Variants in PPM1E observed in about 807,000 individuals in gnomAD.
The protein encoded by PPM1E is protein phosphatase, Mg2+/Mn2+ dependent 1E.
Under a neutral mutation model 65.9 loss-of-function variants are expected in PPM1E, and 20 were observed. The observed-to-expected ratio is 0.30, with a 90% CI of 0.21 to 0.44. The LOEUF is 0.44. Ranked by LOEUF, PPM1E falls within the 20% of genes least tolerant of loss-of-function variation. The pLI, the probability that PPM1E is intolerant of heterozygous loss-of-function variation, is 1.00. For synonymous variants in PPM1E, 352 were observed against 374.9 expected, an observed-to-expected ratio of 0.94 and a Z score of 0.70; for missense variants, 713 against 953.1, an observed-to-expected ratio of 0.75 and a Z score of 3.32.
At chr17:58,866,556 G>A (rs181407678) in intron 1 of PPM1E, among the ~76,000 whole-genome samples, 266 of 152,322 alleles carry the variant, frequency 1.7e-3, no homozygotes, top group South Asian at 5.0e-3. Context: ...CTATATGCAG[G>A]AAGAAATGAG....
intron 1 of PPM1E, among the ~76,000 whole-genome samples, chr17:58,775,680 C>T (rs1368334002): frequency 1.3e-5 from 2 of 151,088 alleles, no homozygotes; most frequent in East Asian, 3.9e-4. Flanking sequence ...TTTGGGAGGC[C>T]GAGGCGGGTG....
intron 1 of PPM1E, 125 bp from the exon 2 acceptor site, chr17:58,955,524 A>T (rs2029869596): frequency 9.6e-7 from 1 of 1,047,060 alleles, no homozygotes; most frequent in East Asian, 2.6e-5. Context: ...TATTTATTGA[A>T]TATTGTTTAA....
At chr17:58,899,672 T>A (rs896867181) in intron 1 of PPM1E, 1 of 211,714 alleles carries the variant, frequency 4.7e-6, no homozygotes, top group East Asian at 1.1e-4. Flanking sequence ...CATCGAAGAG[T>A]ACTTCAAATG....
intron 1 of PPM1E, among the ~76,000 whole-genome samples, chr17:58,778,366 T>A (rs1254952581): frequency 6.6e-6 from 1 of 150,446 alleles, no homozygotes; most frequent in East Asian, 2.0e-4. Flanking sequence ...TCCCAAAGTG[T>A]TGGGATTACA....
At chr17:58,777,496 C>A (rs2050005608) in intron 1 of PPM1E, among the ~76,000 whole-genome samples, 1 of 151,938 alleles carries the variant, frequency 6.6e-6, no homozygotes, top group Admixed American at 6.6e-5. Flanking sequence ...AAATATTTTT[C>A]TTTTCTAAAT....
chr17:58,980,543 C>T lies in PPM1E; in HGVS notation c.1780C>T (p.Pro594Ser). The part of the protein sequence containing the change: ...QFLLPVEMFG[P>S]GAPKKANLIN... ...TTTGCTACCAGTTGAGATGTTTGGT[C>T]CTGGTGCACCAAAGAAAGCAAATCT... Residue 594 changes from proline (P) to serine (S), a missense_variant, in exon 7 of 7, where the codon CCT becomes TCT. Pro to Ser is a moderately conservative substitution (Grantham distance 74, BLOSUM62 -1). Around this residue, in one of 6 missense-constraint regions of PPM1E, gnomAD observed 286 missense variants for 313.8 expected, o/e 0.91. Transcript: ENST00000308249. The surrounding 1 kb of genome is among the most constrained non-coding windows in gnomAD (Gnocchi z 4.7). The T allele has an allele frequency of 6.2e-7, 1 of 1,614,106 alleles. No individual in the cohort carries two copies. The highest frequency in any genetic ancestry group is 8.5e-7 in the Non-Finnish European group (1 of 1,180,012).
intron 1 of PPM1E, among the ~76,000 whole-genome samples, chr17:58,790,644 C>T (rs760699374): frequency 3.9e-5 from 6 of 152,032 alleles, no homozygotes; most frequent in Non-Finnish European, 8.8e-5. Flanking sequence ...CTCTTAAAAC[C>T]CAGTCACTCT....
intron 1 of PPM1E, among the ~76,000 whole-genome samples, chr17:58,927,338 A>G (rs2051836267): frequency 6.6e-6 from 1 of 151,782 alleles, no homozygotes; most frequent in South Asian, 2.1e-4. Flanking sequence ...TCACCGTGTC[A>G]GTCAGGATGG....
At chr17:58,861,005 C>A (rs1291133793) in intron 1 of PPM1E, among the ~76,000 whole-genome samples, 2 of 152,146 alleles carry the variant, frequency 1.3e-5, no homozygotes, top group African/African-American at 4.8e-5. Flanking sequence ...ATGCCCCTTG[C>A]TTTATAAAGT....
intron 1 of PPM1E, among the ~76,000 whole-genome samples, chr17:58,791,228 G>GT (rs2050154935): frequency 1.3e-5 from 2 of 152,222 alleles, no homozygotes; most frequent in East Asian, 3.9e-4. Context: ...AATTTGAGTG[G>GT]TTTATTATGC....
At position 58,983,167 on chromosome 17, in the gene PPM1E, G is replaced by A; in HGVS notation, c.*2136G>A. 2.3e-6 allele frequency: 1 copy of A among 433,742 alleles called. No individual in the cohort carries two copies. The highest frequency in any genetic ancestry group is 4.1e-6 in the Non-Finnish European group (1 of 241,378). The allele number at this position is 433,742 out of a possible 1,614,324, so 26.9% of individuals were successfully genotyped here. On this transcript the variant is annotated 3_prime_UTR_variant, in exon 7 of 7. Transcript: ENST00000308249. The stretch of plus-strand genomic sequence containing the variant: ...ATCTTTAGGGGTCTGGATTTTGTAG[G>A]TCCGACTACACAGCAGTGTTAACTC...
chr17:58,809,367 G>C (rs903778439), intron 1 of PPM1E, among the ~76,000 whole-genome samples: 2 of 152,114 alleles, frequency 1.3e-5, no homozygotes, highest in African/African-American at 4.8e-5. Context: ...GGGATTACAA[G>C]TGTGAACCAC....
chr17:58,971,164 T>C (rs2030590772), intron 4 of PPM1E, among the ~76,000 whole-genome samples: 1 of 152,172 alleles, frequency 6.6e-6, no homozygotes, highest in Non-Finnish European at 1.5e-5. Flanking sequence ...CCCTGCCTCC[T>C]GTTCTCTCCA....
At chr17:58,885,729 G>C (rs182165016) in intron 1 of PPM1E, among the ~76,000 whole-genome samples, 54 of 152,202 alleles carry the variant, frequency 3.5e-4, no homozygotes, top group South Asian at 1.2e-3. Context: ...AAATCCATTT[G>C]TTTTCTATCT....
At chr17:58,895,817 A>G (rs1265157086) in intron 1 of PPM1E, among the ~76,000 whole-genome samples, 1 of 151,248 alleles carries the variant, frequency 6.6e-6, no homozygotes, top group African/African-American at 2.4e-5. Flanking sequence ...CTCAAAAAAG[A>G]AAAGGAGGCC....
intron 6 of PPM1E, among the ~76,000 whole-genome samples, chr17:58,977,173 G>A (rs1174271863): frequency 4.6e-5 from 7 of 152,004 alleles, no homozygotes; most frequent in South Asian, 2.1e-4. Flanking sequence ...GGCTGGGCGC[G>A]GTGGCTCACA....
chr17:58,825,928 G>A (rs2050531459), intron 1 of PPM1E, among the ~76,000 whole-genome samples: 1 of 151,988 alleles, frequency 6.6e-6, no homozygotes, highest in South Asian at 2.1e-4. Flanking sequence ...AGATATAAAT[G>A]TAGAAATTAT....
Position 58,756,113 on chromosome 17 carries a change from C to CCGAACA in PPM1E, c.121_122insACGAAC (p.Glu40_Pro41insHisGlu), listed in dbSNP as rs750952521. The CCGAACA allele has an allele frequency of 7.2e-5, 116 of 1,607,304 alleles. No homozygotes were observed. Among genetic ancestry groups the CCGAACA allele is most frequent in the Non-Finnish European group, 9.3e-5 (110 of 1,176,524 alleles). ...CCGGAGCCGGAACCCGAACCCGAAC[C>CCGAACA]CGAACCCGAACCCGAGTCCGAGCCC... On this transcript the variant is annotated inframe_insertion, in exon 1 of 7. Transcript: ENST00000308249.
At chr17:58,941,426 G>A (rs575962389) in intron 1 of PPM1E, among the ~76,000 whole-genome samples, 417 of 152,206 alleles carry the variant, frequency 2.7e-3, no homozygotes, top group African/African-American at 9.1e-3. Context: ...TGGGTGCAGT[G>A]GCTCACGCCT....
Sources: gnomAD v4.1 joint callset for allele counts (sites outside exome capture counted in the v4.1 genomes callset) on GRCh38, gnomAD v4.1.1 for gene constraint, gnomAD v4.1.1 regional missense constraint, Gnocchi (gnomAD v3.1) non-coding constraint, MANE v1.5 for transcripts, NCBI Gene and HGNC (gene_info 2026-07-23, HGNC 2026-07-21) for gene names.